LRGUK: variants seen among roughly 807,000 people sequenced by gnomAD.
LRGUK encodes leucine-rich repeat and guanylate kinase domain-containing protein.
Under a neutral mutation model 76.0 loss-of-function variants are expected in LRGUK, and 65 were observed. That is an observed-to-expected ratio of 0.85 (90% CI 0.70 to 1.05). The LOEUF is 1.05. LRGUK is among the 50% of genes least tolerant of loss of function. LRGUK has a pLI of 0.00. For synonymous variants in LRGUK, 268 were observed against 265.6 expected (o/e 1.01, Z -0.09); for missense variants, 758 against 732.8 (o/e 1.03, Z -0.40).
chr7:134,196,917 A>G (rs748868245), intron 12 of LRGUK, 75 bp from the exon 13 acceptor site: 2 of 770,374 alleles, frequency 2.6e-6, no homozygotes, highest in African/African-American at 1.7e-5. Flanking sequence ...AGAATAAGAC[A>G]TCAAATGATT....
intron 5 of LRGUK, among the ~76,000 whole-genome samples, chr7:134,151,239 T>C (rs1473935063): frequency 6.6e-6 from 1 of 152,186 alleles, no homozygotes; most frequent in South Asian, 2.1e-4. Context: ...TTTTTGAAAA[T>C]ATTAAAACAG....
intron 15 of LRGUK, among the ~76,000 whole-genome samples, chr7:134,202,777 C>T (rs771128876): frequency 1.3e-5 from 2 of 152,050 alleles, no homozygotes; most frequent in Admixed American, 1.3e-4. Context: ...ACGGTAGTTG[C>T]CAGAGGCTAG....
intron 16 of LRGUK, among the ~76,000 whole-genome samples, chr7:134,226,490 C>T (rs929180169): frequency 6.6e-6 from 1 of 152,080 alleles, no homozygotes; most frequent in Non-Finnish European, 1.5e-5. Flanking sequence ...TTAAGGAAAC[C>T]AGTCTTATTT....
At chr7:134,136,891 G>A (rs1055756389) in intron 1 of LRGUK, 132 bp from the exon 2 acceptor site, 1 of 650,510 alleles carries the variant, frequency 1.5e-6, no homozygotes, top group Non-Finnish European at 2.7e-6. Flanking sequence ...AATTTTTTTG[G>A]GGGTTGGTAA....
At chr7:134,261,396 G>A (rs1039840823) in intron 19 of LRGUK, among the ~76,000 whole-genome samples, 1 of 151,936 alleles carries the variant, frequency 6.6e-6, no homozygotes, top group South Asian at 2.1e-4. Flanking sequence ...TTTCGTATCT[G>A]ATTAATCTCC....
intron 5 of LRGUK, among the ~76,000 whole-genome samples, chr7:134,156,180 A>G (rs1265864144): frequency 6.6e-6 from 1 of 152,212 alleles, no homozygotes; most frequent in Non-Finnish European, 1.5e-5. Context: ...TCTCCTGACT[A>G]CAGGTGAGAC....
chr7:134,178,892 G>A (rs190658683), intron 10 of LRGUK, among the ~76,000 whole-genome samples: 9 of 106,724 alleles, frequency 8.4e-5, no homozygotes, highest in African/African-American at 3.3e-4. Flanking sequence ...CCACTTGTAT[G>A]GTGGCCAGCG....
At chr7:134,239,385 G>C (rs1462844481) in intron 16 of LRGUK, among the ~76,000 whole-genome samples, 1 of 152,170 alleles carries the variant, frequency 6.6e-6, no homozygotes, top group African/African-American at 2.4e-5. Flanking sequence ...TTAGCAAATG[G>C]CACACCAGGA....
At chr7:134,196,579 G>A (rs1800494223) in intron 12 of LRGUK, among the ~76,000 whole-genome samples, 2 of 152,164 alleles carry the variant, frequency 1.3e-5, no homozygotes, top group South Asian at 4.1e-4. Context: ...GGAAATGGAA[G>A]GCTTTTCTGG....
At position 134,174,484 on chromosome 7, in the gene LRGUK, T is replaced by C. The variant is rs1449621424; in HGVS notation, c.940-72T>C. The C allele has an allele frequency of 3.2e-6, 3 of 934,828 alleles. No individual in the cohort carries two copies. In the African/African-American group the frequency reaches 5.0e-5, roughly 16 times the overall value. The allele number at this position is 934,828 out of a possible 1,614,324, so 57.9% of individuals were successfully genotyped here. A position where few individuals can be genotyped will look rare whatever the true frequency, so the allele number is the denominator to read the frequency against. ...TTGAATTTAAAGGACCCAAACTGGC[T>C]TCTATTGTATTATGTTTTCTATTGT... On this transcript the variant is annotated intron_variant, in intron 7 of 15. Transcript: ENST00000645682.
At chr7:134,148,520 C>G (rs1279781880) in intron 5 of LRGUK, among the ~76,000 whole-genome samples, 1 of 152,098 alleles carries the variant, frequency 6.6e-6, no homozygotes, top group Non-Finnish European at 1.5e-5. Flanking sequence ...AACTGTGAGT[C>G]AAAGCTTGTC....
chr7:134,212,001 C>T (rs1029695430), downstream of LRGUK, among the ~76,000 whole-genome samples: 1 of 152,204 alleles, frequency 6.6e-6, no homozygotes, highest in Non-Finnish European at 1.5e-5. Context: ...ATGTTGGCTT[C>T]ATTCTTTGGA....
rs550716729 is a variant in LRGUK at position 134,239,443 on chromosome 7, C to T, written c.1984-8113C>T. On this transcript the variant is annotated intron_variant, in intron 16 of 19. Transcript: ENST00000285928. ...GGAGGGTCCCACACCCATGCAGCCT[C>T]GCTGACTGCTAGCACAGCAGTCTGA... Among the ~76,000 whole-genome samples, 9 of 152,312 alleles carry T rather than the reference C, an allele frequency of 5.9e-5. No individual in the cohort carries two copies. In the East Asian group the frequency reaches 9.7e-4, roughly 16 times the overall value.
At chr7:134,213,055 A>C (rs568542422), downstream of LRGUK, among the ~76,000 whole-genome samples, 6 of 152,284 alleles carry the variant, frequency 3.9e-5, no homozygotes, top group South Asian at 1.2e-3. Flanking sequence ...AGACTGATGG[A>C]GAGGGGAAGT....
chr7:134,157,960 T>C, intron 5 of LRGUK, 75 bp from the exon 6 acceptor site: 1 of 1,355,654 alleles, frequency 7.4e-7, no homozygotes, highest in Non-Finnish European at 1.0e-6. Flanking sequence ...TGTCTAGTGA[T>C]GATTTAACAC....
At chr7:134,128,109 G>GA (rs11291605) in intron 1 of LRGUK, among the ~76,000 whole-genome samples, 1,943 of 136,052 alleles carry the variant, frequency 0.014, 44 homozygotes, top group African/African-American at 0.04. Context: ...CTCCCTCCAG[G>GA]AAAAAAAAAA....
intron 9 of LRGUK, among the ~76,000 whole-genome samples, chr7:134,177,957 C>A (rs1234561871): frequency 6.6e-6 from 1 of 152,040 alleles, no homozygotes. Flanking sequence ...GGATGAAGAA[C>A]TGTACATTAT....
intron 19 of LRGUK, among the ~76,000 whole-genome samples, chr7:134,262,366 T>G (rs922755219): frequency 2.6e-5 from 4 of 152,236 alleles, no homozygotes; most frequent in East Asian, 3.9e-4. Context: ...AAAGCGAGAC[T>G]CTGTCTCAAA....
chr7:134,172,466 T>G (rs1237545459), intron 7 of LRGUK, among the ~76,000 whole-genome samples: 1 of 152,166 alleles, frequency 6.6e-6, no homozygotes, highest in Non-Finnish European at 1.5e-5. Flanking sequence ...TACAAAAAAA[T>G]TAGATACAAG....
Sources: allele counts gnomAD v4.1 joint callset (sites outside exome capture counted in the v4.1 genomes callset), GRCh38; gene constraint gnomAD v4.1.1; transcripts MANE v1.5; gene names NCBI Gene and HGNC (gene_info 2026-07-23, HGNC 2026-07-21).